Variants in OXR1 observed in about 807,000 individuals in gnomAD.
OXR1 encodes the protein oxidation resistance protein 1.
Under a neutral mutation model 104.6 loss-of-function variants are expected in OXR1, and 41 were observed. That is an observed-to-expected ratio of 0.39 (90% CI 0.31 to 0.51). The LOEUF (loss-of-function observed/expected upper bound fraction) is 0.51. Ranked by LOEUF, OXR1 falls within the 20% of genes least tolerant of loss-of-function variation. OXR1 has a pLI of 0.77. For synonymous variants in OXR1, 348 were observed against 348.4 expected (o/e 1.00, Z 0.01); for missense variants, 955 against 1,031.9 (o/e 0.93, Z 1.02).
chr8:106,508,734 T>C (rs61376718), intron 2 of OXR1, among the ~76,000 whole-genome samples: 173 of 152,376 alleles, frequency 1.1e-3, no homozygotes, highest in African/African-American at 4.0e-3. Flanking sequence ...ACCCAATTCC[T>C]GAATTAAAAT....
intron 7 of OXR1, among the ~76,000 whole-genome samples, chr8:106,701,956 A>G (rs1317382031): frequency 2.0e-5 from 3 of 152,114 alleles, no homozygotes; most frequent in Non-Finnish European, 4.4e-5. Flanking sequence ...GATTTGTATC[A>G]CTATTTATTT....
At chr8:106,374,651 G>A (rs1488389227) in intron 2 of OXR1, among the ~76,000 whole-genome samples, 3 of 152,062 alleles carry the variant, frequency 2.0e-5, no homozygotes, top group African/African-American at 7.2e-5. Flanking sequence ...TTTGATCTAG[G>A]TCTGTTTAGA....
At chr8:106,559,395 A>T (rs1414121002) in intron 3 of OXR1, among the ~76,000 whole-genome samples, 1 of 152,098 alleles carries the variant, frequency 6.6e-6, no homozygotes, top group East Asian at 1.9e-4. Context: ...TCATCCTTAC[A>T]ACTATTTTCC....
chr8:106,416,589 A>G (rs946367003), intron 2 of OXR1, among the ~76,000 whole-genome samples: 37 of 152,180 alleles, frequency 2.4e-4, no homozygotes, highest in Admixed American at 6.6e-4. Flanking sequence ...TGAATTTTCA[A>G]TGAGATAATG....
At chr8:106,482,140 T>G (rs1822162226) in intron 2 of OXR1, among the ~76,000 whole-genome samples, 1 of 151,916 alleles carries the variant, frequency 6.6e-6, no homozygotes, top group Non-Finnish European at 1.5e-5. Flanking sequence ...AGGTATGAAA[T>G]TGCCAAAACA....
chr8:106,654,478 A>G (rs962582546), intron 3 of OXR1, among the ~76,000 whole-genome samples: 1 of 152,132 alleles, frequency 6.6e-6, no homozygotes, highest in African/African-American at 2.4e-5. Flanking sequence ...GGATAGCCAC[A>G]CATAAAAGAA....
chr8:106,711,544 T>G (rs1449108982), intron 10 of OXR1, among the ~76,000 whole-genome samples: 1 of 152,160 alleles, frequency 6.6e-6, no homozygotes, highest in Non-Finnish European at 1.5e-5. Flanking sequence ...TCTGTGTGTG[T>G]ATATTGAAAT....
intron 3 of OXR1, among the ~76,000 whole-genome samples, chr8:106,617,778 A>G (rs1821363697): frequency 6.6e-6 from 1 of 152,248 alleles, no homozygotes; most frequent in Admixed American, 6.5e-5. Context: ...AAAGGTGGCC[A>G]TGCCATTTAT....
chr8:106,657,830 G>C (rs1825270928), intron 3 of OXR1: 1 of 1,236,130 alleles, frequency 8.1e-7, no homozygotes, highest in Admixed American at 4.2e-5. Flanking sequence ...CGGGCAGAGA[G>C]AGGGACGCCC....
intron 2 of OXR1, among the ~76,000 whole-genome samples, chr8:106,399,971 C>A (rs754097709): frequency 1.3e-5 from 2 of 152,114 alleles, no homozygotes; most frequent in Non-Finnish European, 2.9e-5. Context: ...TATCATCAGG[C>A]TGTTACATAA....
At chr8:106,552,115 A>G (rs530634129) in intron 3 of OXR1, among the ~76,000 whole-genome samples, 35 of 151,922 alleles carry the variant, frequency 2.3e-4, no homozygotes, top group Admixed American at 5.3e-4. Flanking sequence ...AATCATTTGT[A>G]CCGAATCAGC....
chr8:106,363,877 T>C (rs1440848087), intron 2 of OXR1, among the ~76,000 whole-genome samples: 2 of 152,180 alleles, frequency 1.3e-5, no homozygotes, highest in East Asian at 1.9e-4. Flanking sequence ...ACCTGGATTG[T>C]AGACATCAAG....
chr8:106,522,981 T>G (rs1161689034), intron 3 of OXR1: 3 of 152,248 alleles, frequency 2.0e-5, no homozygotes, highest in Non-Finnish European at 4.4e-5. Flanking sequence ...GGGCTGTGTT[T>G]TCATCTGGAG....
intron 1 of OXR1, among the ~76,000 whole-genome samples, chr8:106,318,201 G>A (rs1409378167): frequency 2.6e-5 from 4 of 151,978 alleles, no homozygotes; most frequent in Admixed American, 1.3e-4. Flanking sequence ...GTGTAAACAC[G>A]TACACAAAAA....
chr8:106,556,320 A>G (rs1300366738), intron 3 of OXR1, among the ~76,000 whole-genome samples: 1 of 152,168 alleles, frequency 6.6e-6, no homozygotes, highest in Non-Finnish European at 1.5e-5. Context: ...ACTAATAATA[A>G]TTTTTAAAAG....
chr8:106,529,068 A>G (rs529123634), intron 3 of OXR1, among the ~76,000 whole-genome samples: 1 of 152,360 alleles, frequency 6.6e-6, no homozygotes, highest in African/African-American at 2.4e-5. Context: ...CATGGAAGCT[A>G]AAAGTCCCTA....
At chr8:106,502,001 C>A (rs1237004911) in intron 2 of OXR1, among the ~76,000 whole-genome samples, 1 of 152,054 alleles carries the variant, frequency 6.6e-6, no homozygotes, top group Non-Finnish European at 1.5e-5. Flanking sequence ...AATTTACTGA[C>A]CAGTAACAAA....
rs149978488 is a variant in OXR1 at position 106,418,880 on chromosome 8, G to T, written c.23+59244G>T. 7.7e-3 allele frequency among the ~76,000 whole-genome samples: 1,177 copies of T among 152,196 alleles called. 19 individuals are homozygous for T. Among genetic ancestry groups the T allele is most frequent in the African/African-American group, 0.027 (1,117 of 41,524 alleles). ...GGTTATCTCTGAGTGATGAGATTCA[G>T]AGTCATTTTACATTTTTGTATCATT... is the stretch of plus-strand genomic sequence containing the variant. On this transcript the variant is annotated intron_variant, in intron 2 of 16. Transcript: ENST00000517566.
At chr8:106,438,876 C>A (rs1017120177) in intron 2 of OXR1, among the ~76,000 whole-genome samples, 9 of 152,064 alleles carry the variant, frequency 5.9e-5, no homozygotes, top group African/African-American at 2.2e-4. Flanking sequence ...GTTACTTAAC[C>A]TCTAAGTACC....
Sources: allele counts gnomAD v4.1 joint callset (sites outside exome capture counted in the v4.1 genomes callset), GRCh38; gene constraint gnomAD v4.1.1; transcripts MANE v1.5; gene names NCBI Gene and HGNC (gene_info 2026-07-23, HGNC 2026-07-21).